Variants in SPEF2 observed in about 807,000 individuals in gnomAD.
The protein encoded by SPEF2 is sperm flagella and cilia-associated protein 2.
Under a neutral mutation model 224.6 loss-of-function variants are expected in SPEF2, and 187 were observed. The ratio of observed to expected loss-of-function variants is 0.83; its 90% CI spans 0.74 to 0.94. The LOEUF (loss-of-function observed/expected upper bound fraction) is 0.94, where lower values mean the gene tolerates loss of function less well. Among genes scored for constraint, SPEF2 ranks in the 40% least tolerant of loss-of-function variants. The pLI, the probability that SPEF2 is intolerant of heterozygous loss-of-function variation, is 0.00. For missense variants in SPEF2, 2,170 were observed against 2,135.6 expected, an observed-to-expected ratio of 1.02 and a Z score of -0.32; for synonymous variants, 715 against 707.3, an observed-to-expected ratio of 1.01 and a Z score of -0.17.
chr5:35,814,284 A>G (rs1478023103), intron 36 of SPEF2, among the ~76,000 whole-genome samples, 180 bp from the exon 37 acceptor site: 1 of 152,240 alleles, frequency 6.6e-6, no homozygotes, highest in Non-Finnish European at 1.5e-5. Flanking sequence ...CAAACATACA[A>G]GTAGTAAGTC....
At chr5:35,790,564 G>T (rs35908401) in intron 30 of SPEF2, 10,015 of 385,756 alleles carry the variant, frequency 0.026, 616 homozygotes, top group African/African-American at 0.14. Context: ...TTCTTCTATA[G>T]CTTTCTAACT....
Position 35,708,985 on chromosome 5 carries a change from A to T in SPEF2, c.2703A>T (p.Lys901Asn). 6.2e-7 allele frequency: 1 copy of T among 1,612,968 alleles called. No individual in the cohort carries two copies. Among genetic ancestry groups the T allele is most frequent in the Admixed American group, 1.7e-5 (1 of 59,694 alleles). The change falls in exon 19 of 37, where the codon AAA (lysine) becomes AAT (asparagine). Residue 901 changes from lysine (K) to asparagine (N), a missense_variant. Coordinates refer to ENST00000356031, the MANE Select transcript of SPEF2 (RefSeq NM_024867.4). ...TAGAAGAAAAGGAAGCTGAGAAAAA[A>T]GCAGCAGCTTCCCTGGCTGAGCTTC... is the stretch of plus-strand genomic sequence containing the variant. ...KKLEEKEAEK[K>N]AAASLAELPL...
intron 10 of SPEF2, among the ~76,000 whole-genome samples, chr5:35,676,478 C>T (rs1370003299): frequency 6.6e-6 from 1 of 152,100 alleles, no homozygotes; most frequent in Non-Finnish European, 1.5e-5. Context: ...CCTGTAATCC[C>T]AGCACTTTGG....
In SPEF2 at chr5:35,618,046, C is replaced by T. The variant is rs779239684; in HGVS notation, c.49C>T (p.Arg17Trp). 1 of 1,584,772 alleles carries T rather than the reference C, an allele frequency of 6.3e-7. No homozygotes were observed. The highest frequency in any genetic ancestry group is 1.7e-5 in the Admixed American group (1 of 57,680). Residue 17 changes from arginine to tryptophan, a missense_variant, in exon 1 of 37, where the codon CGG (arginine) becomes TGG (tryptophan). Arg to Trp is a moderately radical substitution (Grantham distance 101, BLOSUM62 -3). Coordinates refer to ENST00000356031, the MANE Select transcript of SPEF2 (RefSeq NM_024867.4). ...QWLNKELKVS[R>W]TVSPKSFAKA... ...GCTCAACAAGGAGTTGAAGGTGTCC[C>T]GGACCGTGAGTGAGTGACCACGGCC...
At chr5:35,768,538 A>G (rs925243672) in intron 26 of SPEF2, among the ~76,000 whole-genome samples, 6 of 152,144 alleles carry the variant, frequency 3.9e-5, no homozygotes, top group African/African-American at 1.2e-4. Flanking sequence ...GAGATAGTCT[A>G]TCTTTACTTT....
At chr5:35,669,017 C>G (rs1021565274) in intron 9 of SPEF2, among the ~76,000 whole-genome samples, 5 of 152,032 alleles carry the variant, frequency 3.3e-5, no homozygotes, top group African/African-American at 7.2e-5. Context: ...CCTGAACACA[C>G]AGCCTTTTAA....
At chr5:35,750,989 ATATATATGTATATATATATATACG>A (rs1452529949) in intron 23 of SPEF2, among the ~76,000 whole-genome samples, 1 of 97,346 alleles carries the variant, frequency 1.0e-5, no homozygotes, top group East Asian at 3.9e-4. Flanking sequence ...TGTGCTATAT[ATATATATGTATATATATATATACG>A]TATATATATA....
At chr5:35,715,493 T>C (rs1742364546) in intron 20 of SPEF2, among the ~76,000 whole-genome samples, 2 of 152,092 alleles carry the variant, frequency 1.3e-5, no homozygotes, top group Admixed American at 1.3e-4. Flanking sequence ...ACTACATCAT[T>C]CCGTGGCCCC....
chr5:35,767,211 T>C (rs1277900535), intron 26 of SPEF2, among the ~76,000 whole-genome samples: 1 of 151,996 alleles, frequency 6.6e-6, no homozygotes, highest in African/African-American at 2.4e-5. Context: ...GACAATGAAA[T>C]TGGGAAAATA....
intron 26 of SPEF2, among the ~76,000 whole-genome samples, chr5:35,770,002 TGTGTGTGTGTGTGTGTGTGTGCATGTGC>T (rs1752588306): frequency 7.2e-6 from 1 of 137,938 alleles, no homozygotes; most frequent in South Asian, 2.2e-4. Flanking sequence ...TGTGTGTGTG[TGTGTGTGTGTGTGTGTGTGTGCATGTGC>T]GTGTGTGTGT....
intron 8 of SPEF2, among the ~76,000 whole-genome samples, chr5:35,661,448 G>A (rs940081816): frequency 1.3e-5 from 2 of 150,418 alleles, no homozygotes; most frequent in African/African-American, 4.9e-5. Flanking sequence ...TTTAAGTTCA[G>A]GGGTATAAGT....
At chr5:35,684,287 T>G (rs1753260118) in intron 10 of SPEF2, among the ~76,000 whole-genome samples, 2 of 152,206 alleles carry the variant, frequency 1.3e-5, no homozygotes, top group Admixed American at 1.3e-4. Context: ...TTTGAGATGC[T>G]TACCTTGACT....
At chr5:35,679,655 C>T (rs957545796) in intron 10 of SPEF2, among the ~76,000 whole-genome samples, 1 of 152,206 alleles carries the variant, frequency 6.6e-6, no homozygotes, top group African/African-American at 2.4e-5. Flanking sequence ...ACAGCTTCTG[C>T]TGTAGAGCAG....
At chr5:35,692,515 C>G in intron 11 of SPEF2, 55 bp from the exon 12 acceptor site, 1 of 1,416,152 alleles carries the variant, frequency 7.1e-7, no homozygotes, top group Non-Finnish European at 9.7e-7. Context: ...ATAAAGACAA[C>G]AATTTCCATT....
At chr5:35,795,936 A>G (rs372169215) in intron 33 of SPEF2, 141 bp downstream of exon 33, 73 of 727,188 alleles carry the variant, frequency 1.0e-4, no homozygotes, top group African/African-American at 5.3e-4. Context: ...GCAGACCTTA[A>G]GTTAGCTCAC....
At chr5:35,754,491 A>G (rs925229781) in intron 24 of SPEF2, among the ~76,000 whole-genome samples, 3 of 152,202 alleles carry the variant, frequency 2.0e-5, no homozygotes, top group Non-Finnish European at 4.4e-5. Flanking sequence ...TAGTTTTAGG[A>G]CTTGAAGCAA....
At chr5:35,789,299 A>G (rs1381557131) in intron 30 of SPEF2, 1 of 703,404 alleles carries the variant, frequency 1.4e-6, no homozygotes, top group Admixed American at 2.0e-5. Context: ...TGTCAATAAG[A>G]ATAGAAATTC....
At chr5:35,704,099 C>T (rs889909888) in intron 16 of SPEF2, among the ~76,000 whole-genome samples, 1 of 152,000 alleles carries the variant, frequency 6.6e-6, no homozygotes, top group African/African-American at 2.4e-5. Flanking sequence ...TATGTCTATT[C>T]TACAGGGAGA....
chr5:35,689,289 G>T (rs1754098091), intron 10 of SPEF2, among the ~76,000 whole-genome samples: 1 of 151,854 alleles, frequency 6.6e-6, no homozygotes, highest in Admixed American at 6.6e-5. Context: ...TACTATAGTT[G>T]TACCTAACAT....
Sources: gnomAD v4.1 joint callset for allele counts (sites outside exome capture counted in the v4.1 genomes callset) on GRCh38, gnomAD v4.1.1 for gene constraint, MANE v1.5 for transcripts, NCBI Gene and HGNC (gene_info 2026-07-23, HGNC 2026-07-21) for gene names.